Variants in ATE1 observed in about 807,000 individuals in gnomAD.
ATE1 encodes arginyltransferase 1.
In ATE1, 36 loss-of-function variants were observed where a neutral mutation model predicts 70.5. The ratio of observed to expected loss-of-function variants is 0.51; its 90% confidence interval spans 0.39 to 0.67. ATE1 has a LOEUF of 0.67. Among genes scored for constraint, ATE1 ranks in the 30% least tolerant of loss-of-function variants. ATE1 has a pLI of 0.00. For missense variants in ATE1, 593 were observed against 629.5 expected, an observed-to-expected ratio of 0.94 and a Z score of 0.62; for synonymous variants, 232 against 219.3, an observed-to-expected ratio of 1.06 and a Z score of -0.51.
chr10:121,802,355 T>C lies in ATE1; in HGVS notation c.1258-12066A>G, dbSNP rs1047563284. Among the ~76,000 whole-genome samples the C allele has an allele frequency of 1.2e-4, 18 of 151,894 alleles. No homozygotes were observed. The East Asian group carries it at 1.9e-3, about 16-fold the overall frequency. The stretch of plus-strand genomic sequence containing the variant: ...AGAGAATCTTGCACTGTTGCCCAGG[T>C]TGGAGTGCAGTGGCACCATCTTGGC... On this transcript the variant is annotated intron_variant, in intron 10 of 11. Coordinates refer to ENST00000224652, the MANE Select transcript of ATE1 (RefSeq NM_001001976.3).
At chr10:121,857,409 T>G (rs1564900504) in intron 8 of ATE1, among the ~76,000 whole-genome samples, 1 of 152,254 alleles carries the variant, frequency 6.6e-6, no homozygotes, top group Non-Finnish European at 1.5e-5. Context: ...GGTCTCCAGC[T>G]GCATCCATGC....
intron 8 of ATE1, among the ~76,000 whole-genome samples, chr10:121,843,432 A>G (rs546397976): frequency 6.6e-6 from 1 of 152,228 alleles, no homozygotes; most frequent in African/African-American, 2.4e-5. Context: ...GCTATCAAAA[A>G]ACTGATTCTA....
At chr10:121,761,072 C>T (rs1945019736) in intron 11 of ATE1, among the ~76,000 whole-genome samples, 1 of 152,204 alleles carries the variant, frequency 6.6e-6, no homozygotes, top group South Asian at 2.1e-4. Flanking sequence ...TAAGAAGAGC[C>T]TGCCACCTTC....
At chr10:121,922,571 G>A (rs1179358780) in intron 2 of ATE1, among the ~76,000 whole-genome samples, 160 bp from the exon 3 acceptor site, 1 of 152,166 alleles carries the variant, frequency 6.6e-6, no homozygotes, top group Non-Finnish European at 1.5e-5. Flanking sequence ...TCTTCAAAGT[G>A]CGTGTAGCAA....
chr10:121,928,098 C>T, upstream of ATE1: 1 of 1,219,000 alleles, frequency 8.2e-7, no homozygotes, highest in Non-Finnish European at 1.0e-6. Flanking sequence ...GGCCCGGCGC[C>T]TCTTGGAGCT....
rs1354308557 is a variant in ATE1, at chr10:121,790,248, A to G, written c.1299T>C (p.Tyr433=). The part of the protein sequence containing the change: ...RPSDLLCPET[Y]VWVPIEQCLP... ...GGCATTGCTCAATGGGTACCCAAAC[A>G]TATGTCTCAGGGCACAGCAAATCAG... is the stretch of plus-strand genomic sequence containing the variant. The change falls in exon 11 of 12, where the codon TAT becomes TAC. Residue 433 remains tyrosine, a synonymous_variant. Coordinates refer to ENST00000224652, the MANE Select transcript of ATE1 (RefSeq NM_001001976.3). 6.2e-7 allele frequency: 1 copy of G among 1,614,102 alleles called. No individual in the cohort carries two copies. The highest frequency in any genetic ancestry group is 1.7e-5 in the Admixed American group (1 of 60,008).
chr10:121,769,112 T>G (rs1945396509), intron 11 of ATE1, among the ~76,000 whole-genome samples: 1 of 152,180 alleles, frequency 6.6e-6, no homozygotes, highest in Admixed American at 6.5e-5. Context: ...CAAAGACTAA[T>G]GGGAGAATAA....
Position 121,767,373 on chromosome 10 carries a change from T to C in ATE1, c.1378+22796A>G, listed in dbSNP as rs537262317. Among the ~76,000 whole-genome samples the C allele has an allele frequency of 2.0e-5, 3 of 152,246 alleles. No homozygotes were observed. The South Asian group carries it at 6.2e-4, about 32-fold the overall frequency. On this transcript the variant is annotated intron_variant, in intron 11 of 11. Transcript: ENST00000224652. ...CTTTCATCATTTTTATTCAAAATAG[T>C]ACTAGAAGTTTTGGCCAGTGCAATA...
chr10:121,891,149 A>G (rs1950564276), intron 7 of ATE1, among the ~76,000 whole-genome samples: 1 of 152,170 alleles, frequency 6.6e-6, no homozygotes, highest in Admixed American at 6.5e-5. Context: ...TTGCCCAAAA[A>G]GGGTCTCCAG....
intron 10 of ATE1, among the ~76,000 whole-genome samples, chr10:121,817,329 A>G (rs910146969): frequency 2.6e-5 from 4 of 152,228 alleles, no homozygotes; most frequent in African/African-American, 9.6e-5. Flanking sequence ...TCACAAGGTC[A>G]GGAGATCGAG....
At chr10:121,848,603 A>G (rs1948931243) in intron 8 of ATE1, among the ~76,000 whole-genome samples, 1 of 111,578 alleles carries the variant, frequency 9.0e-6, no homozygotes, top group South Asian at 3.5e-4. Flanking sequence ...GGGCAACAAG[A>G]GTGAAACTCA....
upstream of ATE1, chr10:121,928,284 C>T (rs1314684933): frequency 2.7e-6 from 4 of 1,480,562 alleles, no homozygotes; most frequent in South Asian, 1.3e-5. Flanking sequence ...CCTGCCCTTT[C>T]CCCCGCCGAG....
intron 11 of ATE1, among the ~76,000 whole-genome samples, chr10:121,753,166 A>T (rs753306822): frequency 2.0e-4 from 31 of 152,208 alleles, no homozygotes; most frequent in Non-Finnish European, 3.8e-4. Context: ...GTAGGATAAA[A>T]TTGATTTCTG....
At chr10:121,872,873 G>A (rs988917828) in intron 7 of ATE1, among the ~76,000 whole-genome samples, 10 of 151,954 alleles carry the variant, frequency 6.6e-5, no homozygotes, top group Admixed American at 5.2e-4. Context: ...AATAAATAAT[G>A]GGTAAAGTTA....
At chr10:121,771,216 G>A (rs996430155) in intron 11 of ATE1, among the ~76,000 whole-genome samples, 4 of 152,078 alleles carry the variant, frequency 2.6e-5, no homozygotes, top group Non-Finnish European at 4.4e-5. Context: ...GATTATAGGC[G>A]CCTGCCACCA....
chr10:121,849,968 G>A (rs1260079110), intron 8 of ATE1, among the ~76,000 whole-genome samples: 1 of 152,180 alleles, frequency 6.6e-6, no homozygotes, highest in Admixed American at 6.5e-5. Flanking sequence ...GCAGCTAGGA[G>A]TTTGCCTTTA....
chr10:121,841,380 A>G, intron 8 of ATE1, 117 bp from the exon 9 acceptor site: 1 of 718,584 alleles, frequency 1.4e-6, no homozygotes, highest in Non-Finnish European at 1.9e-6. Context: ...CTTTGTTTCC[A>G]TCATCATCCC....
intron 11 of ATE1, among the ~76,000 whole-genome samples, chr10:121,764,421 GA>G (rs1268971379): frequency 1.3e-5 from 2 of 149,990 alleles, no homozygotes; most frequent in Non-Finnish European, 2.9e-5. Flanking sequence ...AGAATTGCTT[GA>G]AGCCAGGAAT....
At chr10:121,851,226 C>A (rs941105453) in intron 8 of ATE1, among the ~76,000 whole-genome samples, 2 of 151,540 alleles carry the variant, frequency 1.3e-5, no homozygotes, top group African/African-American at 4.8e-5. Flanking sequence ...TTGAGACCAG[C>A]CTGGCAACAT....
Sources: allele counts gnomAD v4.1 joint callset (sites outside exome capture counted in the v4.1 genomes callset), GRCh38; gene constraint gnomAD v4.1.1; transcripts MANE v1.5; gene names NCBI Gene and HGNC (gene_info 2026-07-23, HGNC 2026-07-21).